Variants in KSR2 observed in about 807,000 individuals in gnomAD.
KSR2 encodes the protein kinase suppressor of ras 2.
KSR2 carries 25 observed loss-of-function variants against 107.8 expected under a neutral mutation model. That is an observed-to-expected ratio of 0.23 (90% CI 0.17 to 0.32). The LOEUF (loss-of-function observed/expected upper bound fraction) is 0.32, where lower values mean the gene tolerates loss of function less well. KSR2 is among the 10% of genes least tolerant of loss of function. KSR2 has a pLI of 1.00. For missense variants in KSR2, 887 were observed against 1,268.9 expected, an observed-to-expected ratio of 0.70 and a Z score of 4.57; for synonymous variants, 480 against 507.0, an observed-to-expected ratio of 0.95 and a Z score of 0.71.
intron 4 of KSR2, among the ~76,000 whole-genome samples, chr12:117,688,707 GAAGC>G (rs1414006519): frequency 6.6e-6 from 1 of 152,174 alleles, no homozygotes; most frequent in African/African-American, 2.4e-5. Flanking sequence ...GAGTGTGCCA[GAAGC>G]AAGAAGAAAA....
chr12:117,921,761 C>T (rs1165925989), intron 1 of KSR2, among the ~76,000 whole-genome samples: 1 of 152,200 alleles, frequency 6.6e-6, no homozygotes, highest in East Asian at 1.9e-4. Flanking sequence ...TGACAGCCAT[C>T]ATTACCAGTA....
At chr12:117,532,113 T>C (rs1199477856) in intron 10 of KSR2, among the ~76,000 whole-genome samples, 1 of 152,256 alleles carries the variant, frequency 6.6e-6, no homozygotes, top group African/African-American at 2.4e-5. Flanking sequence ...TTCTGTACTT[T>C]CCTAATTTTC....
At position 117,926,335 on chromosome 12, in the gene KSR2, T is replaced by TA. The variant is rs1305347647; in HGVS notation, c.180+41740dup. ...TCTGCTATAAAAACAGAAGTCCTGA[T>TA]AACGTGTTCACAGGGATGCTGTAAG... On this transcript the variant is annotated intron_variant, in intron 1 of 19. Coordinates refer to ENST00000339824, the MANE Select transcript of KSR2 (RefSeq NM_173598.6). Among the ~76,000 whole-genome samples, 10 of 152,356 alleles carry TA rather than the reference T, an allele frequency of 6.6e-5. No individual in the cohort carries two copies. The East Asian group carries it at 9.6e-4, about 15-fold the overall frequency.
chr12:117,818,344 C>CT (rs1325449388), intron 3 of KSR2, among the ~76,000 whole-genome samples: 1 of 152,140 alleles, frequency 6.6e-6, no homozygotes, highest in African/African-American at 2.4e-5. Context: ...ACCAAGGACT[C>CT]TGAGGGTTTG....
At chr12:117,713,215 T>C (rs1160800458) in intron 4 of KSR2, among the ~76,000 whole-genome samples, 3 of 151,712 alleles carry the variant, frequency 2.0e-5, no homozygotes, top group Non-Finnish European at 2.9e-5. Context: ...TATATATAGA[T>C]AGATAATAGA....
At chr12:117,883,026 A>G (rs930629697) in intron 1 of KSR2, among the ~76,000 whole-genome samples, 4 of 150,862 alleles carry the variant, frequency 2.7e-5, no homozygotes, top group Non-Finnish European at 4.4e-5. Context: ...CATTCATCCA[A>G]CCACTCATCC....
intron 2 of KSR2, among the ~76,000 whole-genome samples, chr12:117,857,162 G>A (rs981948893): frequency 1.3e-5 from 2 of 152,094 alleles, no homozygotes; most frequent in Non-Finnish European, 2.9e-5. Context: ...GGGTTCAAGC[G>A]ACCCTCCCAC....
chr12:117,936,551 G>C (rs967172231), intron 1 of KSR2, among the ~76,000 whole-genome samples: 1 of 145,778 alleles, frequency 6.9e-6, no homozygotes, highest in African/African-American at 2.8e-5. Context: ...AGTAGTAGTA[G>C]TAGTAGTAGT....
At chr12:117,688,972 G>T (rs112498502) in intron 4 of KSR2, among the ~76,000 whole-genome samples, 1,565 of 152,160 alleles carry the variant, frequency 0.01, 30 homozygotes, top group African/African-American at 0.035. Flanking sequence ...CACATAGTAG[G>T]TATTTTCATT....
intron 9 of KSR2, among the ~76,000 whole-genome samples, chr12:117,554,893 T>G (rs1877549370): frequency 6.6e-6 from 1 of 152,328 alleles, no homozygotes. Flanking sequence ...AAACTCCTTT[T>G]AAGTCTCTCC....
rs1161088665 is a variant in KSR2, at chr12:117,539,963, G to C, written c.1519-76C>G. On this transcript the variant is annotated intron_variant, in intron 9 of 19. Coordinates refer to ENST00000339824, the MANE Select transcript of KSR2 (RefSeq NM_173598.6). ...CACAGCAGAAAGAGTGGGCTGAGCA[G>C]GAGAGGCCCCCACCCCAGCCCCTGC... The C allele has an allele frequency of 3.1e-6, 4 of 1,275,262 alleles. No individual in the cohort carries two copies. In the African/African-American group the frequency reaches 6.1e-5, roughly 20 times the overall value. 79.0% of individuals were successfully genotyped at this position (1,275,262 alleles called of 1,614,324 possible). A position where few individuals can be genotyped will look rare whatever the true frequency, so the allele number is the denominator to read the frequency against.
chr12:117,453,064 AT>A lies in KSR2; in HGVS notation c.*14134del, dbSNP rs1870416125. On this transcript the variant is annotated 3_prime_UTR_variant, in exon 20 of 20. Transcript: ENST00000339824. ...AGTAGTGCAATGCAGTAATTCTCAA[AT>A]TTTTTATTGGCATAAATAATTCAGA... 1 of 152,614 alleles carries A rather than the reference AT, an allele frequency of 6.6e-6. No homozygotes were observed. The highest frequency in any genetic ancestry group is 6.5e-5 in the Admixed American group (1 of 15,268). 9.5% of individuals were successfully genotyped at this position (152,614 alleles called of 1,614,324 possible). A position where few individuals can be genotyped will look rare whatever the true frequency, so the allele number is the denominator to read the frequency against.
chr12:117,958,268 A>G (rs1403744043), intron 1 of KSR2, among the ~76,000 whole-genome samples: 1 of 152,176 alleles, frequency 6.6e-6, no homozygotes, highest in Non-Finnish European at 1.5e-5. Context: ...CTTAGACATC[A>G]AAACACTCAC....
intron 3 of KSR2, among the ~76,000 whole-genome samples, chr12:117,845,165 CA>C (rs965136360): frequency 2.0e-5 from 3 of 152,076 alleles, no homozygotes; most frequent in African/African-American, 7.2e-5. Context: ...AAACCGGCGT[CA>C]TAGTATTGGC....
intron 12 of KSR2, 144 bp downstream of exon 12, chr12:117,530,797 T>C: frequency 1.5e-6 from 1 of 688,654 alleles, no homozygotes; most frequent in Non-Finnish European, 2.5e-6. Flanking sequence ...TCCCTATGTC[T>C]CTCTGACCCC....
Position 117,761,376 on chromosome 12 carries a change from C to T in KSR2, c.621G>A (p.Gln207=). 6.2e-7 allele frequency: 1 copy of T among 1,604,080 alleles called. No individual in the cohort carries two copies. Among genetic ancestry groups the T allele is most frequent in the Non-Finnish European group, 8.5e-7 (1 of 1,177,250 alleles). ...GAGTGGGGCTGGTGTGACAATAGTG[C>T]TGGACGCACTTGGACGGGACCCTGG... ...QSPRVPSKCV[Q]HYCHTSPTPG... is the part of the protein sequence containing the mutation. The change falls in exon 4 of 20, where the codon CAG becomes CAA. Residue 207 remains glutamine, a synonymous_variant. Transcript: ENST00000339824.
chr12:117,643,925 T>TTGAA lies in KSR2; in HGVS notation c.1171+23545_1171+23548dup, dbSNP rs368663942. On this transcript the variant is annotated intron_variant, in intron 5 of 19. Transcript: ENST00000339824. ...TTTGCAGATCTCCCATAAGCATCTG[T>TTGAA]TGAATGAATGAATGAATGATCCTTG... Among the ~76,000 whole-genome samples, 487 of 152,282 alleles carry TTGAA rather than the reference T, an allele frequency of 3.2e-3. 7 individuals carry two copies. The highest frequency in any genetic ancestry group is 0.01 in the African/African-American group (425 of 41,560).
At chr12:117,736,519 G>A (rs769022221) in intron 4 of KSR2, among the ~76,000 whole-genome samples, 1 of 152,124 alleles carries the variant, frequency 6.6e-6, no homozygotes, top group African/African-American at 2.4e-5. Flanking sequence ...CTAATAAAGA[G>A]TAAGAACCAG....
chr12:117,755,728 C>T (rs377158253), intron 4 of KSR2, among the ~76,000 whole-genome samples: 17 of 152,246 alleles, frequency 1.1e-4, no homozygotes, highest in African/African-American at 2.2e-4. Context: ...AAAATGATTA[C>T]GCTTAGTGAG....
Sources: gnomAD v4.1 joint callset for allele counts (sites outside exome capture counted in the v4.1 genomes callset) on GRCh38, gnomAD v4.1.1 for gene constraint, MANE v1.5 for transcripts, NCBI Gene and HGNC (gene_info 2026-07-23, HGNC 2026-07-21) for gene names.